The following MVK variants were observed in gnomAD, a reference collection of about 807,000 sequenced individuals.
MVK encodes LH receptor mRNA-binding protein.
Under a neutral mutation model 43.2 loss-of-function variants are expected in MVK, and 34 were observed. The ratio of observed to expected loss-of-function variants is 0.79; its 90% CI spans 0.60 to 1.05. The LOEUF (loss-of-function observed/expected upper bound fraction) is 1.05. Ranked by LOEUF, MVK falls within the 50% of genes least tolerant of loss-of-function variation. MVK has a pLI of 0.00. For missense variants in MVK, 395 were observed against 504.0 expected (o/e 0.78, Z 2.07); for synonymous variants, 190 against 219.8 (o/e 0.86, Z 1.20).
At chr12:109,582,697 G>T (rs1885272556) in intron 5 of MVK, among the ~76,000 whole-genome samples, 1 of 146,566 alleles carries the variant, frequency 6.8e-6, no homozygotes, top group African/African-American at 2.5e-5. Context: ...TCAAATCTGA[G>T]CCCCCTAAAA....
Position 109,573,869 on chromosome 12 carries a change from G to T in MVK, c.-19G>T. The T allele has an allele frequency of 4.8e-6, 1 of 210,484 alleles. No homozygotes were observed. The highest frequency in any genetic ancestry group is 9.3e-6 in the Non-Finnish European group (1 of 107,324). 13.0% of individuals were successfully genotyped at this position (210,484 alleles called of 1,614,324 possible). Reference sequence around the variant, plus strand: ...CGGCGGCCGGGGAGGCGGCGGCGGCGGCAGGTGAGAGGCCGGGGTCGGGCG... The same window carrying T: ...CGGCGGCCGGGGAGGCGGCGGCGGCTGCAGGTGAGAGGCCGGGGTCGGGCG... On this transcript the variant is annotated 5_prime_UTR_variant, in exon 1 of 11. Transcript: ENST00000228510.
In MVK at chr12:109,595,330, G is replaced by T. The variant is rs1885871811; in HGVS notation, c.1039+149G>T. 4.0e-6 allele frequency: 4 copies of T among 990,496 alleles called. No homozygotes were observed. Among genetic ancestry groups the T allele is most frequent in the South Asian group, 1.6e-5 (1 of 60,982 alleles). The allele number at this position is 990,496 out of a possible 1,614,324, so 61.4% of individuals were successfully genotyped here. On this transcript the variant is annotated intron_variant, in intron 10 of 10. Transcript: ENST00000228510. This position sits in a 1 kb window ranked among gnomAD's most constrained non-coding sequence, Gnocchi z 5.9. ...GCAAGTTAGTTAACCTCTGGTCTTT[G>T]CTTCCTCATTGGTAAAATAAGGATG...
intron 9 of MVK, among the ~76,000 whole-genome samples, chr12:109,592,324 C>T (rs574001902): frequency 6.6e-6 from 1 of 152,338 alleles, no homozygotes; most frequent in African/African-American, 2.4e-5. Flanking sequence ...GGACACAGTC[C>T]ACCTGGCCTG....
intron 7 of MVK, chr12:109,587,913 T>C (rs1046009964): frequency 1.3e-5 from 2 of 152,220 alleles, no homozygotes; most frequent in African/African-American, 4.8e-5. Flanking sequence ...CCCTACCCAC[T>C]AGATGCCAGT....
Position 109,593,489 on chromosome 12 carries a change from G to A in MVK, c.886-1539G>A, listed in dbSNP as rs942693634. On this transcript the variant is annotated intron_variant, in intron 9 of 10. Coordinates refer to ENST00000228510, the MANE Select transcript of MVK (RefSeq NM_000431.4). Reference sequence around the variant, plus strand: ...AGGAATGCCAGGGGGTGCTCTCAGAGGCAGGGTAGACAGGAGCTTCATGTC... The same window carrying A: ...AGGAATGCCAGGGGGTGCTCTCAGAAGCAGGGTAGACAGGAGCTTCATGTC... 2.1e-5 allele frequency among the ~76,000 whole-genome samples: 3 copies of A among 140,784 alleles called. No homozygotes were observed. The South Asian group carries it at 6.5e-4, about 31-fold the overall frequency. The allele number at this position is 140,784 out of a possible 152,430, so 92.4% of individuals were successfully genotyped here. A position where few individuals can be genotyped will look rare whatever the true frequency, so the allele number is the denominator to read the frequency against.
intron 3 of MVK, among the ~76,000 whole-genome samples, chr12:109,576,372 T>C (rs1215475462): frequency 6.6e-6 from 1 of 152,106 alleles, no homozygotes. Flanking sequence ...TCAAGGCCTA[T>C]TGTTGAGTGA....
intron 7 of MVK, chr12:109,589,346 G>A (rs1219086227): frequency 6.6e-6 from 1 of 152,232 alleles, no homozygotes; most frequent in Non-Finnish European, 1.5e-5. Context: ...CCTGCTGTGG[G>A]GTGCCACGGG....
At chr12:109,581,329 C>G in intron 4 of MVK, 66 bp from the exon 5 acceptor site, 1 of 1,606,618 alleles carries the variant, frequency 6.2e-7, no homozygotes, top group Non-Finnish European at 8.5e-7. Flanking sequence ...GGCCTGGCCC[C>G]TGGTTCAGTG....
At position 109,576,045 on chromosome 12, in the gene MVK, ACC is replaced by A. The variant is rs104895368; in HGVS notation, c.129_130del (p.His44GlnfsTer35). The part of the protein sequence containing the change: ...LNLRTFLRLQ[P>X]HSNGKVDLSL... ...ACTTGAGAACATTCCTCCGGCTTCA[ACC>A]CCACAGCAATGGGAAAGTGGACCTC... is the stretch of plus-strand genomic sequence containing the variant. On this transcript the variant is annotated frameshift_variant, in exon 3 of 11. Transcript: ENST00000228510. LOFTEE classifies it high-confidence loss of function. 11 of 1,614,140 alleles carry A rather than the reference ACC, an allele frequency of 6.8e-6. No homozygotes were observed. Among genetic ancestry groups the A allele is most frequent in the Non-Finnish European group, 7.6e-6 (9 of 1,180,010 alleles).
intron 3 of MVK, among the ~76,000 whole-genome samples, chr12:109,577,929 AACC>A (rs1885034295): frequency 6.6e-6 from 1 of 152,208 alleles, no homozygotes; most frequent in Non-Finnish European, 1.5e-5. Context: ...GTCTCCTGAG[AACC>A]AGCTGCAACT....
rs545980078 is a variant in MVK, at chr12:109,597,951, C to T, written c.*1374C>T. 1.3e-5 allele frequency: 2 copies of T among 152,242 alleles called. No individual in the cohort carries two copies. Among genetic ancestry groups the T allele is most frequent in the African/African-American group, 2.4e-5 (1 of 41,438 alleles). The allele number at this position is 152,242 out of a possible 1,614,324, so 9.4% of individuals were successfully genotyped here. Reference sequence around the variant, plus strand: ...AGGAGCAGGAGCCGAGCTCCACCCCCACGCCAGCCTTGGGCCCGGCCTGGG... The same window carrying T: ...AGGAGCAGGAGCCGAGCTCCACCCCTACGCCAGCCTTGGGCCCGGCCTGGG... On this transcript the variant is annotated 3_prime_UTR_variant, in exon 11 of 11. Transcript: ENST00000228510.
chr12:109,586,669 C>T, intron 6 of MVK, 85 bp from the exon 7 acceptor site: 2 of 1,504,400 alleles, frequency 1.3e-6, no homozygotes, highest in Non-Finnish European at 1.8e-6. Flanking sequence ...CAAAATGAAC[C>T]CAACCCAAAG....
intron 8 of MVK, 110 bp downstream of exon 8, chr12:109,590,971 G>A (rs370029564): frequency 6.6e-6 from 8 of 1,208,680 alleles, no homozygotes; most frequent in African/African-American, 1.5e-5. Flanking sequence ...GTGGTGGGTG[G>A]TGGGGGCCCT....
At position 109,595,046 on chromosome 12, in the gene MVK, C is replaced by G; in HGVS notation, c.904C>G (p.Gln302Glu). ...LVLEELIDMN[Q>E]HHLNALGVGH... ...CCCCTAGGAGCTCATTGACATGAACCAGCACCATCTGAATGCCCTCGGCGT... is the reference window on the plus strand; with the variant it reads ...CCCCTAGGAGCTCATTGACATGAACGAGCACCATCTGAATGCCCTCGGCGT... The change falls in exon 10 of 11, where the codon CAG (glutamine) becomes GAG (glutamate). Residue 302 changes from glutamine to glutamate, a missense_variant. Gln to Glu is a conservative substitution (Grantham distance 29, BLOSUM62 2). Coordinates refer to ENST00000228510, the MANE Select transcript of MVK (RefSeq NM_000431.4). This position sits in a 1 kb window ranked among gnomAD's most constrained non-coding sequence, Gnocchi z 5.9. The G allele has an allele frequency of 1.2e-6, 2 of 1,614,218 alleles. No homozygotes were observed. Among genetic ancestry groups the G allele is most frequent in the Non-Finnish European group, 1.7e-6 (2 of 1,180,038 alleles).
chr12:109,592,746 T>G (rs1397926086), intron 9 of MVK, among the ~76,000 whole-genome samples: 1 of 152,148 alleles, frequency 6.6e-6, no homozygotes, highest in East Asian at 1.9e-4. Flanking sequence ...GACTGGTCTG[T>G]CCCTTTATTC....
At position 109,574,827 on chromosome 12, in the gene MVK, T is replaced by C; in HGVS notation, c.5T>C (p.Leu2Ser). Reference sequence around the variant, plus strand: ...CTTTTAGGATTCCCAGGAGCCATGTTGTCAGAAGTCCTACTGGTGTCTGCT... The same window carrying C: ...CTTTTAGGATTCCCAGGAGCCATGTCGTCAGAAGTCCTACTGGTGTCTGCT... M[L>S]SEVLLVSAPG... Residue 2 changes from leucine (L) to serine (S), a missense_variant, in exon 2 of 11, where the codon TTG (leucine) becomes TCG (serine). Physicochemically the swap from Leu to Ser is moderately radical, Grantham distance 145. Coordinates refer to ENST00000228510, the MANE Select transcript of MVK (RefSeq NM_000431.4). The C allele has an allele frequency of 6.2e-7, 1 of 1,603,132 alleles. No individual in the cohort carries two copies. The highest frequency in any genetic ancestry group is 8.5e-7 in the Non-Finnish European group (1 of 1,174,382).
chr12:109,586,216 GGAATC>G, intron 6 of MVK, 91 bp downstream of exon 6: 1 of 1,049,326 alleles, frequency 9.5e-7, no homozygotes, highest in Non-Finnish European at 1.5e-6. Flanking sequence ...TGGTTTGGGA[GGAATC>G]GAATCAATGG....
chr12:109,588,050 C>G (rs1026819951), intron 7 of MVK: 1 of 152,294 alleles, frequency 6.6e-6, no homozygotes, highest in Non-Finnish European at 1.5e-5. Context: ...ACAGCTTCCT[C>G]GGGTTGCTCC....
chr12:109,590,310 C>T (rs781579013), intron 7 of MVK: 95 of 303,508 alleles, frequency 3.1e-4, no homozygotes, highest in Non-Finnish European at 3.8e-4. Context: ...TTGAATTTCT[C>T]ACTGGATGAC....
Sources: gnomAD v4.1 joint callset for allele counts (sites outside exome capture counted in the v4.1 genomes callset) on GRCh38, gnomAD v4.1.1 for gene constraint, Gnocchi (gnomAD v3.1) non-coding constraint, MANE v1.5 for transcripts, NCBI Gene and HGNC (gene_info 2026-07-23, HGNC 2026-07-21) for gene names.